The following EVC2 variants were observed in gnomAD, a reference collection of about 807,000 sequenced individuals.
EVC2 encodes EvC ciliary complex subunit 2.
A neutral mutation model predicts 149.3 loss-of-function variants in EVC2; 148 were observed. That is an observed-to-expected ratio of 0.99 (90% CI 0.87 to 1.14). EVC2 has a LOEUF of 1.14. Among genes scored for constraint, EVC2 ranks in the 50% most tolerant of loss-of-function variants. EVC2 has a pLI of 0.00. For synonymous variants in EVC2, 776 were observed against 649.9 expected (o/e 1.19, Z -2.95); for missense variants, 1,854 against 1,627.3 (o/e 1.14, Z -2.40).
At chr4:5,571,656 T>C (rs1722652172) in intron 19 of EVC2, among the ~76,000 whole-genome samples, 1 of 152,050 alleles carries the variant, frequency 6.6e-6, no homozygotes, top group African/African-American at 2.4e-5. Context: ...TGATGATTCT[T>C]TTCTCTAGTA....
At chr4:5,536,214 C>T in the EVC2 span, among the ~76,000 whole-genome samples, 1 of 152,062 alleles carries the variant, frequency 6.6e-6, no homozygotes, top group Non-Finnish European at 1.5e-5. Flanking sequence ...AGATACTATT[C>T]TCTAAAAAAT....
chr4:5,588,050 C>G (rs976696453), intron 16 of EVC2, among the ~76,000 whole-genome samples: 1 of 152,144 alleles, frequency 6.6e-6, no homozygotes, highest in Non-Finnish European at 1.5e-5. Context: ...ATCCTTCTGC[C>G]TGATTTCCTA....
At chr4:5,568,881 C>T (rs914919566) in intron 19 of EVC2, among the ~76,000 whole-genome samples, 8 of 152,166 alleles carry the variant, frequency 5.3e-5, no homozygotes, top group African/African-American at 1.9e-4. Flanking sequence ...TCTCAAGTCA[C>T]TGGGGCAGTA....
rs1253169687 is a variant in EVC2 at position 5,562,599 on chromosome 4, G to A, written c.*249C>T. 23 of 1,382,876 alleles carry A rather than the reference G, an allele frequency of 1.7e-5. No homozygotes were observed. The highest frequency in any genetic ancestry group is 2.9e-5 in the African/African-American group (2 of 68,636). 85.7% of individuals were successfully genotyped at this position (1,382,876 alleles called of 1,614,324 possible). A position where few individuals can be genotyped will look rare whatever the true frequency, so the allele number is the denominator to read the frequency against. ...TTGCAGGGTGGGGGTCTCCTCCAGGGCCCTGGGGAGGTGGGGCTGAAAGAA... is the reference window on the plus strand; with the variant it reads ...TTGCAGGGTGGGGGTCTCCTCCAGGACCCTGGGGAGGTGGGGCTGAAAGAA... On this transcript the variant is annotated 3_prime_UTR_variant, in exon 22 of 22. Coordinates refer to ENST00000344408, the MANE Select transcript of EVC2 (RefSeq NM_147127.5). The surrounding 1 kb of genome is among the most constrained non-coding windows in gnomAD (Gnocchi z 4.3).
chr4:5,535,601 A>AAGAGAGAGAGAGAG, the EVC2 span, among the ~76,000 whole-genome samples: 8,792 of 117,518 alleles, frequency 0.075, 296 homozygotes, highest in East Asian at 0.23. The surrounding 1 kb of genome is among the most constrained non-coding windows in gnomAD (Gnocchi z 4.7). Context: ...CATGCTTAGA[A>AAGAGAGAGAGAGAG]AGAGAGAGAG....
At chr4:5,654,488 C>T (rs921682993) in intron 9 of EVC2, among the ~76,000 whole-genome samples, 1 of 152,210 alleles carries the variant, frequency 6.6e-6, no homozygotes, top group Admixed American at 6.5e-5. Context: ...TCAGCTTCTC[C>T]GTTCCCTAAG....
chr4:5,557,540 G>A (rs749276089), downstream of EVC2, among the ~76,000 whole-genome samples: 54 of 152,022 alleles, frequency 3.6e-4, no homozygotes, highest in Non-Finnish European at 6.8e-4. Context: ...ATATCATATG[G>A]GAATCCTAGC....
intron 16 of EVC2, among the ~76,000 whole-genome samples, chr4:5,603,731 G>A (rs1285478358): frequency 2.6e-5 from 4 of 152,196 alleles, no homozygotes; most frequent in Non-Finnish European, 4.4e-5. Flanking sequence ...GATGGGTGAA[G>A]AGATACATGG....
chr4:5,594,598 G>C (rs1047811198), intron 16 of EVC2, among the ~76,000 whole-genome samples: 4 of 152,186 alleles, frequency 2.6e-5, no homozygotes, highest in African/African-American at 7.2e-5. Context: ...AAGACCAAAA[G>C]TAAATAAAAC....
rs1300347009 is a variant in EVC2, at chr4:5,622,869, C to T, written c.2169G>A (p.Glu723=). The change falls in exon 14 of 22, where the codon GAG becomes GAA. Residue 723 remains glutamate, a synonymous_variant. Coordinates refer to ENST00000344408, the MANE Select transcript of EVC2 (RefSeq NM_147127.5). The surrounding 1 kb of genome is among the most constrained non-coding windows in gnomAD (Gnocchi z 5.8). The stretch of plus-strand genomic sequence containing the variant: ...CGGCCTGGTCCAGACGCTCCTGCAG[C>T]TCCTCCAGGGTGGCACCGTGCTCCT... ...LMEEHGATLE[E]LQERLDQAAL... The T allele has an allele frequency of 2.5e-6, 4 of 1,614,040 alleles. 1 individual carries two copies. The highest frequency in any genetic ancestry group is 3.3e-5 in the Admixed American group (2 of 60,004).
chr4:5,694,247 A>C, intron 3 of EVC2, 88 bp downstream of exon 3: 1 of 1,440,502 alleles, frequency 6.9e-7, no homozygotes, highest in South Asian at 1.2e-5. Context: ...TTTAAGCAAC[A>C]AAAACCCGTG....
chr4:5,608,780 G>T (rs760789561), intron 16 of EVC2, among the ~76,000 whole-genome samples: 2 of 152,108 alleles, frequency 1.3e-5, no homozygotes, highest in East Asian at 3.9e-4. Context: ...TGATTCACCC[G>T]CCTCGGCATC....
chr4:5,560,273 G>C (rs1721913272), downstream of EVC2, among the ~76,000 whole-genome samples: 1 of 151,984 alleles, frequency 6.6e-6, no homozygotes, highest in African/African-American at 2.4e-5. This position sits in a 1 kb window ranked among gnomAD's most constrained non-coding sequence, Gnocchi z 4.1. Flanking sequence ...AATGGCAAAA[G>C]GAATGAAAGA....
At chr4:5,550,696 A>G (rs1013462810) in intron 21 of EVC2, among the ~76,000 whole-genome samples, 5 of 152,232 alleles carry the variant, frequency 3.3e-5, no homozygotes, top group Admixed American at 1.3e-4. Context: ...TCCCCAAGAC[A>G]ATGGGGAAAA....
intron 14 of EVC2, among the ~76,000 whole-genome samples, chr4:5,621,274 T>C (rs1303557162): frequency 1.3e-5 from 2 of 152,226 alleles, no homozygotes; most frequent in Non-Finnish European, 2.9e-5. Flanking sequence ...ACAGATCCTA[T>C]GTCCATTAAA....
chr4:5,622,897 A>T lies in EVC2; in HGVS notation c.2141T>A (p.Met714Lys). 1 of 1,614,084 alleles carries T rather than the reference A, an allele frequency of 6.2e-7. No homozygotes were observed. The highest frequency in any genetic ancestry group is 8.5e-7 in the Non-Finnish European group (1 of 1,180,026). Residue 714 changes from methionine (M) to lysine (K), a missense_variant, in exon 14 of 22, where the codon ATG becomes AAG. By Grantham distance (95) the Met-to-Lys change is moderately conservative (BLOSUM62 -1). Coordinates refer to ENST00000344408, the MANE Select transcript of EVC2 (RefSeq NM_147127.5). The surrounding 1 kb of genome is among the most constrained non-coding windows in gnomAD (Gnocchi z 5.8). Reference protein sequence around the residue: ...GQYLHQKRSLMEEHGATLEEL... With the variant: ...GQYLHQKRSLKEEHGATLEEL... ...CTCCAGGGTGGCACCGTGCTCCTCCATCAGGCTCCTCTTCTGGTGCAGGTA... is the reference window on the plus strand; with the variant it reads ...CTCCAGGGTGGCACCGTGCTCCTCCTTCAGGCTCCTCTTCTGGTGCAGGTA...
At chr4:5,586,359 AT>A (rs2108790896) in intron 16 of EVC2, among the ~76,000 whole-genome samples, 1 of 152,156 alleles carries the variant, frequency 6.6e-6, no homozygotes, top group African/African-American at 2.4e-5. Flanking sequence ...TTCAATTGAT[AT>A]TATATCACTT....
intron 16 of EVC2, among the ~76,000 whole-genome samples, chr4:5,593,654 G>A (rs1485401242): frequency 6.6e-6 from 1 of 152,308 alleles, no homozygotes; most frequent in East Asian, 1.9e-4. Flanking sequence ...CACAAGATGG[G>A]TGATTTCTGC....
At chr4:5,676,710 TTCC>T (rs2151719369) in intron 7 of EVC2, among the ~76,000 whole-genome samples, 1 of 152,360 alleles carries the variant, frequency 6.6e-6, no homozygotes, top group South Asian at 2.1e-4. Context: ...AATTGAATTC[TTCC>T]TCCTCCAGGA....
Sources: allele counts gnomAD v4.1 joint callset (sites outside exome capture counted in the v4.1 genomes callset), GRCh38; gene constraint gnomAD v4.1.1; non-coding constraint Gnocchi (gnomAD v3.1); transcripts MANE v1.5; gene names NCBI Gene and HGNC (gene_info 2026-07-23, HGNC 2026-07-21).